Variants in DPH5 observed in about 807,000 individuals in gnomAD.
The protein encoded by DPH5 is diphthine methyl ester synthase.
DPH5 carries 31 observed loss-of-function variants against 31.6 expected under a neutral mutation model. The ratio of observed to expected loss-of-function variants is 0.98; its 90% CI spans 0.74 to 1.32. The LOEUF (loss-of-function observed/expected upper bound fraction) is 1.32. Ranked by LOEUF, DPH5 falls within the 40% of genes most tolerant of loss-of-function variation. The probability of loss-of-function intolerance (pLI) is 0.00; values close to 1 mark genes in which losing one functional copy is unlikely to be tolerated. For missense variants in DPH5, 309 were observed against 335.7 expected (o/e 0.92, Z 0.62); for synonymous variants, 120 against 115.0 (o/e 1.04, Z -0.28).
intron 2 of DPH5, among the ~76,000 whole-genome samples, chr1:101,023,573 C>T (rs942177966): frequency 1.3e-5 from 2 of 152,188 alleles, no homozygotes; most frequent in African/African-American, 4.8e-5. Context: ...AAATACTTTA[C>T]AAAATAACAG....
chr1:100,995,493 A>T (rs1373356255), intron 5 of DPH5: 1 of 173,508 alleles, frequency 5.8e-6, no homozygotes, highest in African/African-American at 2.4e-5. Flanking sequence ...GCACAGACCC[A>T]TCTGAAAGCC....
At chr1:100,995,000 A>T (rs952668553) in intron 6 of DPH5, 110 bp downstream of exon 6, 2 of 732,596 alleles carry the variant, frequency 2.7e-6, no homozygotes, top group African/African-American at 1.8e-5. Flanking sequence ...TCACACTGTT[A>T]ATGAGAGCTC....
At chr1:100,994,533 C>T (rs556792661) in intron 6 of DPH5, among the ~76,000 whole-genome samples, 1 of 151,582 alleles carries the variant, frequency 6.6e-6, no homozygotes, top group Admixed American at 6.6e-5. Context: ...AGGACTCAAA[C>T]CCATGCCTTT....
intron 3 of DPH5, among the ~76,000 whole-genome samples, chr1:101,014,375 T>C (rs35459935): frequency 0.019 from 2,855 of 152,320 alleles, 46 homozygotes; most frequent in Non-Finnish European, 0.029. Flanking sequence ...ATTAATTTTT[T>C]TGGTTTCTTA....
rs576118010 is a variant in DPH5, at chr1:101,016,636, G to A, written c.261-2818C>T. Among the ~76,000 whole-genome samples, 11 of 151,670 alleles carry A rather than the reference G, an allele frequency of 7.3e-5. 1 individual carries two copies. The highest frequency in any genetic ancestry group is 7.2e-4 in the Admixed American group (11 of 15,220). ...AATTTTTGTATTTTTTGGTAGAGAC[G>A]GGGTTTCATCATGTTGGCCAGGCTG... is the stretch of plus-strand genomic sequence containing the variant. On this transcript the variant is annotated intron_variant, in intron 3 of 7. Coordinates refer to ENST00000370109, the MANE Select transcript of DPH5 (RefSeq NM_015958.3).
chr1:101,025,222 A>T, intron 2 of DPH5, 87 bp downstream of exon 2: 4 of 1,526,402 alleles, frequency 2.6e-6, no homozygotes, highest in Non-Finnish European at 3.5e-6. Flanking sequence ...AAACAAGCAG[A>T]CCTGAAAATT....
chr1:100,991,082 G>A (rs1657648821), intron 7 of DPH5, among the ~76,000 whole-genome samples: 3 of 152,176 alleles, frequency 2.0e-5, no homozygotes, highest in Admixed American at 6.5e-5. Context: ...CCAATTAGCT[G>A]TGTGATAAAC....
At chr1:101,005,909 G>A (rs1659191775) in intron 4 of DPH5, among the ~76,000 whole-genome samples, 1 of 152,030 alleles carries the variant, frequency 6.6e-6, no homozygotes, top group Non-Finnish European at 1.5e-5. Context: ...GAGGGACCCG[G>A]TAGTGGGGGA....
At chr1:101,021,137 C>T (rs1660407243) in intron 3 of DPH5, among the ~76,000 whole-genome samples, 1 of 151,984 alleles carries the variant, frequency 6.6e-6, no homozygotes, top group Non-Finnish European at 1.5e-5. Flanking sequence ...GAACAGGGTT[C>T]CCAATGGATA....
intron 5 of DPH5, among the ~76,000 whole-genome samples, chr1:101,000,936 C>G (rs540909207): frequency 6.6e-6 from 1 of 152,308 alleles, no homozygotes; most frequent in South Asian, 2.1e-4. Flanking sequence ...AAAAGGCTAT[C>G]TGATTCTACC....
At chr1:101,019,612 A>G (rs1299100480) in intron 3 of DPH5, among the ~76,000 whole-genome samples, 2 of 152,144 alleles carry the variant, frequency 1.3e-5, no homozygotes, top group Non-Finnish European at 2.9e-5. Context: ...GCTGCATTCT[A>G]TATTCCTTAC....
chr1:101,004,898 A>G (rs927229535), intron 4 of DPH5, among the ~76,000 whole-genome samples: 3 of 152,242 alleles, frequency 2.0e-5, no homozygotes, highest in African/African-American at 7.2e-5. Context: ...GCATTAAGCC[A>G]TTACCCAGAA....
chr1:101,006,076 T>C (rs1275557362), intron 4 of DPH5, among the ~76,000 whole-genome samples: 1 of 152,218 alleles, frequency 6.6e-6, no homozygotes, highest in East Asian at 1.9e-4. Flanking sequence ...ACAGACATAA[T>C]TGTAAGTGTT....
At chr1:101,012,776 T>A (rs1659794398) in intron 4 of DPH5, among the ~76,000 whole-genome samples, 1 of 152,204 alleles carries the variant, frequency 6.6e-6, no homozygotes, top group Admixed American at 6.5e-5. Flanking sequence ...TTTCTCTAGT[T>A]CTTCATAAAC....
At chr1:101,020,842 G>A (rs1350857906) in intron 3 of DPH5, among the ~76,000 whole-genome samples, 2 of 151,766 alleles carry the variant, frequency 1.3e-5, no homozygotes, top group African/African-American at 4.8e-5. Context: ...CACCAAAAAC[G>A]TTCTTGCCTC....
At chr1:101,006,722 A>G (rs2101209648) in intron 4 of DPH5, among the ~76,000 whole-genome samples, 1 of 152,310 alleles carries the variant, frequency 6.6e-6, no homozygotes, top group East Asian at 1.9e-4. Context: ...GACTATCACA[A>G]TGAATGTTGT....
chr1:101,017,227 A>C (rs534226222), intron 3 of DPH5, among the ~76,000 whole-genome samples: 4 of 152,344 alleles, frequency 2.6e-5, no homozygotes, highest in African/African-American at 9.6e-5. Context: ...AAATGAAATA[A>C]AGCAAAACAC....
At chr1:100,991,671 C>T (rs1352191966) in intron 7 of DPH5, among the ~76,000 whole-genome samples, 1 of 149,344 alleles carries the variant, frequency 6.7e-6, no homozygotes, top group Non-Finnish European at 1.5e-5. Flanking sequence ...CACCTGTAGT[C>T]CCAGCTACTC....
chr1:101,023,324 C>T (rs935385693), intron 2 of DPH5: 37 of 152,206 alleles, frequency 2.4e-4, no homozygotes, highest in African/African-American at 8.4e-4. Context: ...GTTAACTTCT[C>T]TATCCCTGCA....
Sources: gnomAD v4.1 joint callset for allele counts (sites outside exome capture counted in the v4.1 genomes callset) on GRCh38, gnomAD v4.1.1 for gene constraint, MANE v1.5 for transcripts, NCBI Gene and HGNC (gene_info 2026-07-23, HGNC 2026-07-21) for gene names.